Variants in EPHA6 observed in about 807,000 individuals in gnomAD.
EPHA6 encodes the protein EPH receptor A6.
In EPHA6, 50 loss-of-function variants were observed where a neutral mutation model predicts 112.0. That is an observed-to-expected ratio of 0.45 (90% CI 0.36 to 0.56). The LOEUF (loss-of-function observed/expected upper bound fraction) is 0.56. EPHA6 is among the 20% of genes least tolerant of loss of function. The pLI, the probability that EPHA6 is intolerant of heterozygous loss-of-function variation, is 0.00. For synonymous variants in EPHA6, 529 were observed against 490.7 expected, an observed-to-expected ratio of 1.08 and a Z score of -1.03; for missense variants, 1,280 against 1,417.4, an observed-to-expected ratio of 0.90 and a Z score of 1.56.
intron 3 of EPHA6, among the ~76,000 whole-genome samples, chr3:97,064,195 GT>G (rs779884274): frequency 2.7e-4 from 41 of 152,262 alleles, no homozygotes; most frequent in Admixed American, 7.2e-4. Context: ...AGTTAGCTCA[GT>G]TTTTCTTTAA....
intron 7 of EPHA6, among the ~76,000 whole-genome samples, chr3:97,454,454 A>T (rs184738756): frequency 6.6e-6 from 1 of 151,938 alleles, no homozygotes; most frequent in Non-Finnish European, 1.5e-5. Context: ...CTAAATATTA[A>T]TATTAAAATA....
intron 14 of EPHA6, among the ~76,000 whole-genome samples, chr3:97,703,950 CA>C (rs777893872): frequency 1.3e-5 from 2 of 151,996 alleles, no homozygotes; most frequent in Non-Finnish European, 2.9e-5. Context: ...GCAAAATGAA[CA>C]AAACAAAACA....
At chr3:97,298,248 A>G (rs2080948961) in intron 5 of EPHA6, among the ~76,000 whole-genome samples, 1 of 152,224 alleles carries the variant, frequency 6.6e-6, no homozygotes, top group Admixed American at 6.5e-5. Flanking sequence ...GGAATTTCAA[A>G]CCTAGAGATG....
At chr3:97,579,735 CAA>C (rs558538022) in intron 11 of EPHA6, among the ~76,000 whole-genome samples, 1 of 152,034 alleles carries the variant, frequency 6.6e-6, no homozygotes, top group Non-Finnish European at 1.5e-5. Flanking sequence ...CAAATATAAA[CAA>C]AAGAGCATCA....
chr3:97,607,145 T>C (rs2093685592), intron 12 of EPHA6, among the ~76,000 whole-genome samples: 1 of 148,598 alleles, frequency 6.7e-6, no homozygotes, highest in African/African-American at 2.5e-5. Context: ...AAATGTTAAG[T>C]CTCTGTTATC....
At chr3:97,165,531 G>A (rs969994299) in intron 3 of EPHA6, among the ~76,000 whole-genome samples, 1 of 152,058 alleles carries the variant, frequency 6.6e-6, no homozygotes, top group Admixed American at 6.6e-5. Flanking sequence ...ACAGTGTCTG[G>A]TTCTAAGAGT....
chr3:97,518,706 T>A (rs556197450), intron 10 of EPHA6, among the ~76,000 whole-genome samples: 1 of 152,126 alleles, frequency 6.6e-6, no homozygotes, highest in African/African-American at 2.4e-5. Context: ...TCTTTGGGGG[T>A]TCTAATTTGC....
intron 10 of EPHA6, among the ~76,000 whole-genome samples, chr3:97,495,517 T>G (rs2091953629): frequency 6.6e-6 from 1 of 152,128 alleles, no homozygotes; most frequent in Non-Finnish European, 1.5e-5. Context: ...ACAAACATTA[T>G]GTACTTTTCA....
At chr3:97,644,722 C>G (rs1054056453) in intron 14 of EPHA6, among the ~76,000 whole-genome samples, 4 of 150,362 alleles carry the variant, frequency 2.7e-5, no homozygotes, top group Non-Finnish European at 5.9e-5. Context: ...CATACACTCT[C>G]CCAAGACTAA....
chr3:97,059,221 T>C (rs1219615468), intron 3 of EPHA6, among the ~76,000 whole-genome samples: 1 of 152,194 alleles, frequency 6.6e-6, no homozygotes, highest in Non-Finnish European at 1.5e-5. Context: ...GAACTAGGTC[T>C]CTGAGAATCA....
At chr3:97,595,948 C>G (rs1209477103) in intron 12 of EPHA6, among the ~76,000 whole-genome samples, 3 of 145,836 alleles carry the variant, frequency 2.1e-5, no homozygotes, top group African/African-American at 7.7e-5. Flanking sequence ...CTCTGTCGCC[C>G]AGGCTGGAGT....
At chr3:97,675,826 C>A (rs1421616674) in intron 14 of EPHA6, among the ~76,000 whole-genome samples, 1 of 151,924 alleles carries the variant, frequency 6.6e-6, no homozygotes, top group Non-Finnish European at 1.5e-5. Context: ...AGAATGATTG[C>A]CTTTTGCAAA....
intron 14 of EPHA6, among the ~76,000 whole-genome samples, chr3:97,658,417 A>G (rs1476504466): frequency 6.6e-6 from 1 of 151,130 alleles, no homozygotes; most frequent in East Asian, 1.9e-4. Flanking sequence ...AAACTATGAT[A>G]TAACTATAAC....
At chr3:97,489,191 A>G (rs1283798525) in intron 10 of EPHA6, among the ~76,000 whole-genome samples, 1 of 152,252 alleles carries the variant, frequency 6.6e-6, no homozygotes, top group East Asian at 1.9e-4. Flanking sequence ...GCTGAGATGA[A>G]TAACACTTAT....
intron 14 of EPHA6, among the ~76,000 whole-genome samples, chr3:97,657,949 T>C (rs1349151274): frequency 6.6e-6 from 1 of 151,738 alleles, no homozygotes; most frequent in East Asian, 1.9e-4. Context: ...CCTCCAGCCT[T>C]ACACATCATT....
intron 3 of EPHA6, among the ~76,000 whole-genome samples, chr3:97,017,865 G>T (rs1001577050): frequency 3.3e-5 from 5 of 151,870 alleles, no homozygotes; most frequent in South Asian, 2.1e-4. Flanking sequence ...TTATCCCTTT[G>T]AATAAACTTT....
intron 3 of EPHA6, among the ~76,000 whole-genome samples, chr3:96,988,532 TATA>T (rs1186335421): frequency 6.6e-6 from 1 of 152,192 alleles, no homozygotes; most frequent in Admixed American, 6.5e-5. Flanking sequence ...CATATTGAAT[TATA>T]ATACTTGAAT....
intron 3 of EPHA6, among the ~76,000 whole-genome samples, chr3:97,039,634 AC>A (rs1170419592): frequency 2.0e-5 from 3 of 151,946 alleles, no homozygotes; most frequent in Admixed American, 6.6e-5. Context: ...GGGGCATTTT[AC>A]TTTTAGCTTG....
chr3:97,420,728 C>G (rs544114854), intron 6 of EPHA6, among the ~76,000 whole-genome samples: 1 of 151,554 alleles, frequency 6.6e-6, no homozygotes, highest in African/African-American at 2.4e-5. Flanking sequence ...CTTAACTGAA[C>G]GAGGGCAGTA....
Sources: allele counts gnomAD v4.1 joint callset (sites outside exome capture counted in the v4.1 genomes callset), GRCh38; gene constraint gnomAD v4.1.1; transcripts MANE v1.5; gene names NCBI Gene and HGNC (gene_info 2026-07-23, HGNC 2026-07-21).